DLG2: variants seen among roughly 807,000 people sequenced by gnomAD.
The protein encoded by DLG2 is discs large MAGUK scaffold protein 2.
Under a neutral mutation model 132.5 loss-of-function variants are expected in DLG2, and 45 were observed. The ratio of observed to expected loss-of-function variants is 0.34; its 90% confidence interval spans 0.27 to 0.44. The LOEUF (loss-of-function observed/expected upper bound fraction) is 0.44. DLG2 is among the 20% of genes least tolerant of loss of function. The pLI, the probability that DLG2 is intolerant of heterozygous loss-of-function variation, is 1.00. For missense variants in DLG2, 1,045 were observed against 1,196.9 expected, an observed-to-expected ratio of 0.87 and a Z score of 1.87; for synonymous variants, 424 against 419.6, an observed-to-expected ratio of 1.01 and a Z score of -0.13.
chr11:84,015,579 C>T (rs1199650695), intron 11 of DLG2, among the ~76,000 whole-genome samples: 2 of 152,092 alleles, frequency 1.3e-5, no homozygotes, highest in African/African-American at 4.8e-5. Flanking sequence ...TGTTTCCCCC[C>T]ATGTGTCCAT....
At chr11:84,892,872 A>G (rs1394252533) in intron 6 of DLG2, among the ~76,000 whole-genome samples, 1 of 151,972 alleles carries the variant, frequency 6.6e-6, no homozygotes, top group Non-Finnish European at 1.5e-5. Context: ...CTCTATCATC[A>G]TACACTAAAA....
chr11:83,647,278 G>T (rs535137296), intron 18 of DLG2, among the ~76,000 whole-genome samples: 2 of 151,720 alleles, frequency 1.3e-5, no homozygotes, highest in African/African-American at 2.4e-5. Context: ...CAAGGGTGGG[G>T]GCGGGGGTAT....
intron 7 of DLG2, among the ~76,000 whole-genome samples, chr11:84,502,204 T>TCTCTCTCTCTC (rs1491550487): frequency 3.8e-4 from 2 of 5,276 alleles, no homozygotes; most frequent in Admixed American, 1.5e-3. Flanking sequence ...CTCTCTCTCC[T>TCTCTCTCTCTC]TCCTTCCTTC....
intron 17 of DLG2, among the ~76,000 whole-genome samples, chr11:83,831,687 C>T (rs1438502616): frequency 1.3e-5 from 2 of 152,086 alleles, no homozygotes; most frequent in African/African-American, 2.4e-5. Flanking sequence ...ACAATGAAAA[C>T]CACAAACTAA....
chr11:83,879,154 T>C (rs1036564120), intron 15 of DLG2, among the ~76,000 whole-genome samples: 15 of 152,226 alleles, frequency 9.9e-5, no homozygotes, highest in African/African-American at 3.4e-4. Context: ...ACAAAGGTCC[T>C]AGCTGGTGGT....
intron 7 of DLG2, among the ~76,000 whole-genome samples, chr11:84,455,938 C>G (rs757564954): frequency 1.8e-4 from 27 of 151,266 alleles, no homozygotes; most frequent in Non-Finnish European, 2.8e-4. Flanking sequence ...GCACTGAGAT[C>G]TTTCCAGCAC....
rs779891711 is a variant in DLG2 at position 84,965,277 on chromosome 11, T to TTG, written c.357+146382_357+146383dup. ...TCTTGATCTCCCAGTGGCTGGGTTT[T>TTG]TGTGTGTGTGTGTGTGTGCACGGTT... On this transcript the variant is annotated intron_variant, in intron 6 of 27. Transcript: ENST00000376104. Among the ~76,000 whole-genome samples, 1,189 of 151,086 alleles carry TTG rather than the reference T, an allele frequency of 7.9e-3. 6 individuals are homozygous for TTG. Among genetic ancestry groups the TTG allele is most frequent in the African/African-American group, 0.014 (578 of 41,294 alleles).
chr11:83,530,348 G>C (rs1370362066), intron 21 of DLG2, among the ~76,000 whole-genome samples: 2 of 151,776 alleles, frequency 1.3e-5, no homozygotes, highest in Non-Finnish European at 2.9e-5. Context: ...GCTCCCTTAT[G>C]ATTCTAGAAA....
intron 7 of DLG2, among the ~76,000 whole-genome samples, chr11:84,289,506 A>G (rs1332231394): frequency 6.6e-6 from 1 of 151,932 alleles, no homozygotes; most frequent in Non-Finnish European, 1.5e-5. Context: ...GGGAAATGAG[A>G]CATGACTCAC....
chr11:83,948,261 T>A (rs2084564010), intron 14 of DLG2, among the ~76,000 whole-genome samples: 1 of 152,230 alleles, frequency 6.6e-6, no homozygotes, highest in Non-Finnish European at 1.5e-5. Flanking sequence ...ATTGTTCTAC[T>A]TCAAGGTCAA....
intron 4 of DLG2, among the ~76,000 whole-genome samples, chr11:85,216,520 T>C (rs149646135): frequency 1.5e-4 from 23 of 152,302 alleles, no homozygotes; most frequent in African/African-American, 4.8e-4. Context: ...CCTAGGAAAG[T>C]TATACAGGTT....
intron 14 of DLG2, among the ~76,000 whole-genome samples, chr11:83,955,248 T>C (rs1191739212): frequency 6.6e-6 from 1 of 152,184 alleles, no homozygotes; most frequent in Admixed American, 6.5e-5. Flanking sequence ...GTTACATAAC[T>C]GATTCAAGGT....
At chr11:83,860,124 G>A (rs1319818522) in intron 16 of DLG2, among the ~76,000 whole-genome samples, 2 of 152,186 alleles carry the variant, frequency 1.3e-5, no homozygotes, top group African/African-American at 4.8e-5. Context: ...CCTCTGCTAG[G>A]GCAGTGTAGA....
chr11:83,603,286 T>C (rs1483354605), intron 19 of DLG2, among the ~76,000 whole-genome samples: 1 of 152,212 alleles, frequency 6.6e-6, no homozygotes, highest in African/African-American at 2.4e-5. Context: ...CTTCCATAAG[T>C]AACTCTCCTG....
intron 7 of DLG2, among the ~76,000 whole-genome samples, chr11:84,415,698 T>C (rs922272122): frequency 2.0e-5 from 3 of 152,186 alleles, no homozygotes; most frequent in African/African-American, 7.2e-5. Flanking sequence ...GACTCACTTT[T>C]TTGATAGTCA....
At chr11:85,016,134 T>C (rs2059556491) in intron 6 of DLG2, among the ~76,000 whole-genome samples, 1 of 152,142 alleles carries the variant, frequency 6.6e-6, no homozygotes. Flanking sequence ...TAATTTCATA[T>C]AATAATATTG....
intron 17 of DLG2, among the ~76,000 whole-genome samples, chr11:83,798,426 T>C (rs779672176): frequency 6.6e-6 from 1 of 152,240 alleles, no homozygotes; most frequent in East Asian, 1.9e-4. Context: ...CCATTATCTA[T>C]GTGACCAGGA....
intron 7 of DLG2, among the ~76,000 whole-genome samples, chr11:84,328,445 C>T (rs936603589): frequency 6.6e-6 from 1 of 152,100 alleles, no homozygotes; most frequent in Admixed American, 6.6e-5. Flanking sequence ...TATAAATGGA[C>T]ATTTCTTTTA....
chr11:84,759,212 C>A (rs79191115), intron 6 of DLG2, among the ~76,000 whole-genome samples: 7,584 of 152,170 alleles, frequency 0.05, 449 homozygotes, highest in African/African-American at 0.13. Context: ...TAACCATTGT[C>A]ACTAGATGCC....
Sources: allele counts gnomAD v4.1 joint callset (sites outside exome capture counted in the v4.1 genomes callset), GRCh38; gene constraint gnomAD v4.1.1; transcripts MANE v1.5; gene names NCBI Gene and HGNC (gene_info 2026-07-23, HGNC 2026-07-21).